FERRY3: variants seen among roughly 807,000 people sequenced by gnomAD.
FERRY3 encodes the protein FERRY endosomal RAB5 effector complex subunit 3, also known as protein C12orf4.
the FERRY3 span, among the ~76,000 whole-genome samples, chr12:4,509,601 A>G: frequency 1.4e-5 from 2 of 145,068 alleles, no homozygotes; most frequent in African/African-American, 2.8e-5. Context: ...CTGACCCCCG[A>G]GCAGCCTAAC....
the FERRY3 span, among the ~76,000 whole-genome samples, chr12:4,490,311 T>G: frequency 6.6e-6 from 1 of 152,164 alleles, no homozygotes; most frequent in Non-Finnish European, 1.5e-5. Flanking sequence ...GTTCAGGGGT[T>G]AAGTAACAAA....
At chr12:4,525,180 T>C in the FERRY3 span, 1 of 1,520,488 alleles carries the variant, frequency 6.6e-7, no homozygotes, top group Non-Finnish European at 8.9e-7. Context: ...AGCTAAAAGG[T>C]TTAACTTTGT....
At chr12:4,525,393 C>A in the FERRY3 span, 1 of 1,605,244 alleles carries the variant, frequency 6.2e-7, no homozygotes, top group Non-Finnish European at 8.5e-7. Flanking sequence ...AAACAGTATA[C>A]CAACTGGTTA....
chr12:4,493,618 C>G, the FERRY3 span, among the ~76,000 whole-genome samples: 2 of 152,218 alleles, frequency 1.3e-5, no homozygotes, highest in African/African-American at 4.8e-5. Context: ...TAAGTTATAA[C>G]ACTTTGGCTT....
chr12:4,520,214 A>G, the FERRY3 span, among the ~76,000 whole-genome samples: 1 of 152,234 alleles, frequency 6.6e-6, no homozygotes, highest in Non-Finnish European at 1.5e-5. Context: ...ACTCTTTTCC[A>G]CTGGCCTCCA....
chr12:4,525,458 C>T, the FERRY3 span: 1 of 1,605,142 alleles, frequency 6.2e-7, no homozygotes, highest in Non-Finnish European at 8.5e-7. Context: ...CAACTGCATA[C>T]CTAAAAGTCA....
the FERRY3 span, among the ~76,000 whole-genome samples, chr12:4,508,698 C>T: frequency 1.3e-5 from 2 of 151,654 alleles, no homozygotes; most frequent in East Asian, 3.9e-4. Context: ...GGACTGAGAT[C>T]GTGCCACTGC....
chr12:4,524,320 C>T, the FERRY3 span, among the ~76,000 whole-genome samples: 11 of 151,728 alleles, frequency 7.2e-5, no homozygotes, highest in African/African-American at 2.4e-4. Context: ...CAGGCTGCAA[C>T]GAACAGTTTG....
chr12:4,528,219 G>T, the FERRY3 span, among the ~76,000 whole-genome samples: 5 of 152,078 alleles, frequency 3.3e-5, no homozygotes, highest in African/African-American at 1.2e-4. Flanking sequence ...GCTAATAACA[G>T]ATTCAGGATG....
At chr12:4,503,262 T>C in the FERRY3 span, among the ~76,000 whole-genome samples, 1 of 152,178 alleles carries the variant, frequency 6.6e-6, no homozygotes, top group South Asian at 2.1e-4. Context: ...TATGATATAG[T>C]AGAAAAAGGA....
the FERRY3 span, among the ~76,000 whole-genome samples, chr12:4,535,861 A>C: frequency 6.6e-6 from 1 of 152,180 alleles, no homozygotes; most frequent in African/African-American, 2.4e-5. The surrounding 1 kb of genome is among the most constrained non-coding windows in gnomAD (Gnocchi z 4.0). Context: ...TCAATAAAAG[A>C]AAGCTCTGGA....
the FERRY3 span, among the ~76,000 whole-genome samples, chr12:4,513,808 C>T: frequency 6.6e-6 from 1 of 152,218 alleles, no homozygotes; most frequent in African/African-American, 2.4e-5. Flanking sequence ...AAAACCTAGG[C>T]ATTACCATTC....
At chr12:4,495,731 T>C in the FERRY3 span, among the ~76,000 whole-genome samples, 5 of 152,202 alleles carry the variant, frequency 3.3e-5, no homozygotes, top group African/African-American at 1.2e-4. Context: ...GTCATCACGT[T>C]TTCCTCATTA....
the FERRY3 span, among the ~76,000 whole-genome samples, chr12:4,538,051 G>GA: frequency 3.8e-4 from 56 of 147,464 alleles, no homozygotes; most frequent in South Asian, 6.4e-4. Flanking sequence ...CAGGAATGTT[G>GA]AAAAAAAAAA....
chr12:4,505,504 T>C, the FERRY3 span: 1 of 660,498 alleles, frequency 1.5e-6, no homozygotes, highest in East Asian at 2.7e-5. Context: ...TGCCAGGCAT[T>C]CTGCTATATG....
chr12:4,523,691 C>T, the FERRY3 span, among the ~76,000 whole-genome samples: 2 of 152,154 alleles, frequency 1.3e-5, no homozygotes, highest in Admixed American at 1.3e-4. Flanking sequence ...CCATCATTCT[C>T]AGCCAACTAT....
the FERRY3 span, among the ~76,000 whole-genome samples, chr12:4,535,613 A>C: frequency 4.6e-4 from 70 of 152,352 alleles, no homozygotes; most frequent in African/African-American, 1.6e-3. This position sits in a 1 kb window ranked among gnomAD's most constrained non-coding sequence, Gnocchi z 4.0. Flanking sequence ...AGACTATTCA[A>C]AAATTAGTAC....
chr12:4,501,988 T>C, the FERRY3 span, among the ~76,000 whole-genome samples: 1 of 152,168 alleles, frequency 6.6e-6, no homozygotes, highest in Non-Finnish European at 1.5e-5. Flanking sequence ...TGCTTTTGTT[T>C]AGTTCTTCAA....
At chr12:4,532,671 T>C in the FERRY3 span, among the ~76,000 whole-genome samples, 1 of 152,190 alleles carries the variant, frequency 6.6e-6, no homozygotes, top group Admixed American at 6.5e-5. Context: ...GTAATTGATA[T>C]TTAACCTCAT....
Sources: allele counts gnomAD v4.1 joint callset (sites outside exome capture counted in the v4.1 genomes callset), GRCh38; gene constraint gnomAD v4.1.1; non-coding constraint Gnocchi (gnomAD v3.1); transcripts MANE v1.5; gene names NCBI Gene and HGNC (gene_info 2026-07-23, HGNC 2026-07-21).